The following LDB2 variants were observed in gnomAD, a reference collection of about 807,000 sequenced individuals.
The protein encoded by LDB2 is LIM domain binding 2, also known as LIM domain-binding protein 2.
LDB2 carries 12 observed loss-of-function variants against 44.3 expected under a neutral mutation model. The ratio of observed to expected loss-of-function variants is 0.27; its 90% CI spans 0.17 to 0.44. LDB2 has a LOEUF of 0.44. Among genes scored for constraint, LDB2 ranks in the 20% least tolerant of loss-of-function variants. LDB2 has a pLI of 1.00. For synonymous variants in LDB2, 164 were observed against 174.8 expected, an observed-to-expected ratio of 0.94 and a Z score of 0.49; for missense variants, 344 against 473.5, an observed-to-expected ratio of 0.73 and a Z score of 2.54.
At chr4:16,552,484 G>A (rs780146942) in intron 5 of LDB2, among the ~76,000 whole-genome samples, 6 of 151,890 alleles carry the variant, frequency 4.0e-5, no homozygotes, top group Non-Finnish European at 7.4e-5. Context: ...TGTTTGTAAC[G>A]TGGCATACCT....
intron 1 of LDB2, among the ~76,000 whole-genome samples, chr4:16,855,504 T>C (rs977003406): frequency 6.6e-6 from 1 of 152,160 alleles, no homozygotes; most frequent in African/African-American, 2.4e-5. Flanking sequence ...TGCAATACCA[T>C]TTTAGTTGAA....
chr4:16,883,525 T>A (rs1346824569), intron 1 of LDB2, among the ~76,000 whole-genome samples: 1 of 152,212 alleles, frequency 6.6e-6, no homozygotes, highest in Non-Finnish European at 1.5e-5. Flanking sequence ...CCCGCCCACT[T>A]AGGGCTTGGG....
At position 16,877,517 on chromosome 4, in the gene LDB2, G is replaced by A. The variant is rs112544747; in HGVS notation, c.132+20837C>T. Among the ~76,000 whole-genome samples, 32 of 152,286 alleles carry A rather than the reference G, an allele frequency of 2.1e-4. 3 individuals carry two copies. The highest frequency in any genetic ancestry group is 7.5e-4 in the African/African-American group (31 of 41,562). On this transcript the variant is annotated intron_variant, in intron 1 of 7. Coordinates refer to ENST00000304523, the MANE Select transcript of LDB2 (RefSeq NM_001290.5). ...TGTTAAACTGATGTGTGTTTATGATGAGCACCCAATACTTTTGAAGGTATT... is the reference window on the plus strand; with the variant it reads ...TGTTAAACTGATGTGTGTTTATGATAAGCACCCAATACTTTTGAAGGTATT...
chr4:16,525,730 A>T (rs1727975892), intron 5 of LDB2, among the ~76,000 whole-genome samples: 1 of 152,230 alleles, frequency 6.6e-6, no homozygotes, highest in Non-Finnish European at 1.5e-5. Context: ...TTAAATAAAC[A>T]AAAGATATAT....
chr4:16,519,935 A>C (rs1725357953), intron 5 of LDB2, among the ~76,000 whole-genome samples: 2 of 152,040 alleles, frequency 1.3e-5, no homozygotes, highest in Non-Finnish European at 2.9e-5. Flanking sequence ...GGGACTGAGA[A>C]GCTTCTTTGG....
intron 2 of LDB2, chr4:16,653,660 G>A (rs566125312): frequency 3.3e-5 from 5 of 152,238 alleles, no homozygotes; most frequent in Admixed American, 3.3e-4. Flanking sequence ...TCGTAGACAA[G>A]TGCAAATTCA....
intron 2 of LDB2, among the ~76,000 whole-genome samples, chr4:16,717,187 A>AATAATAATG (rs56204510): frequency 1.4e-5 from 2 of 146,886 alleles, no homozygotes; most frequent in East Asian, 2.0e-4. Context: ...TAATAATAAT[A>AATAATAATG]ATGATGATGA....
intron 5 of LDB2, among the ~76,000 whole-genome samples, chr4:16,565,613 A>G (rs1425523685): frequency 6.6e-6 from 1 of 152,048 alleles, no homozygotes; most frequent in Non-Finnish European, 1.5e-5. Flanking sequence ...CTATTATTCA[A>G]CATTTTTTCT....
intron 2 of LDB2, among the ~76,000 whole-genome samples, chr4:16,743,004 T>A (rs1349786178): frequency 6.6e-6 from 1 of 152,080 alleles, no homozygotes; most frequent in East Asian, 1.9e-4. Context: ...AAGATGCTTG[T>A]CAGGGCCAGG....
At chr4:16,520,307 AAC>A (rs1491522055) in intron 5 of LDB2, among the ~76,000 whole-genome samples, 1 of 151,518 alleles carries the variant, frequency 6.6e-6, no homozygotes, top group Non-Finnish European at 1.5e-5. Context: ...AGAAAAAAAA[AAC>A]AAAAAAGCAA....
At chr4:16,888,865 A>C (rs2302193) in intron 1 of LDB2, 54,495 of 237,132 alleles carry the variant, frequency 0.23, 7,136 homozygotes, top group Non-Finnish European at 0.27. Flanking sequence ...CCTTAATATT[A>C]CACAGCAAGT....
chr4:16,607,737 G>C (rs1212252289), intron 2 of LDB2, among the ~76,000 whole-genome samples: 1 of 152,152 alleles, frequency 6.6e-6, no homozygotes, highest in African/African-American at 2.4e-5. Context: ...AGTGACTGTA[G>C]TTCCCTGAAG....
intron 2 of LDB2, among the ~76,000 whole-genome samples, chr4:16,645,747 CACATGAGCTTTGGGTCAGAGTTT>C (rs1736624924): frequency 6.6e-6 from 1 of 151,744 alleles, no homozygotes; most frequent in Non-Finnish European, 1.5e-5. Context: ...TGTAGCTGAT[CACATGAGCTTTGGGTCAGAGTTT>C]AAATTTCAGA....
chr4:16,879,022 T>C (rs1026091036), intron 1 of LDB2, among the ~76,000 whole-genome samples: 3 of 152,244 alleles, frequency 2.0e-5, no homozygotes, highest in Admixed American at 6.5e-5. Flanking sequence ...GTATGAGTTT[T>C]TAATTGCTGT....
At chr4:16,571,608 T>G (rs1378668305) in intron 5 of LDB2, among the ~76,000 whole-genome samples, 2 of 152,218 alleles carry the variant, frequency 1.3e-5, no homozygotes, top group Non-Finnish European at 2.9e-5. Context: ...ACCTTCTGCA[T>G]GAAGTTAGAT....
At chr4:16,812,589 T>G (rs1780090393) in intron 1 of LDB2, among the ~76,000 whole-genome samples, 1 of 17,266 alleles carries the variant, frequency 5.8e-5, no homozygotes, top group Non-Finnish European at 2.6e-4. Context: ...AAATTATATA[T>G]ATATATATAT....
chr4:16,506,672 C>A (rs1207841845), intron 7 of LDB2: 1 of 152,204 alleles, frequency 6.6e-6, no homozygotes, highest in African/African-American at 2.4e-5. Flanking sequence ...ATACCATACT[C>A]TGAGGGCTGG....
intron 2 of LDB2, among the ~76,000 whole-genome samples, chr4:16,729,810 G>A (rs1468116660): frequency 6.6e-6 from 1 of 152,082 alleles, no homozygotes; most frequent in Non-Finnish European, 1.5e-5. Flanking sequence ...CAAAACTCTG[G>A]CACTGAGCAC....
At chr4:16,814,122 G>A (rs982784107) in intron 1 of LDB2, among the ~76,000 whole-genome samples, 6 of 152,034 alleles carry the variant, frequency 3.9e-5, no homozygotes, top group Non-Finnish European at 7.4e-5. Flanking sequence ...CGCCCGCCTC[G>A]GCCTTCCAAA....
Sources: allele counts gnomAD v4.1 joint callset (sites outside exome capture counted in the v4.1 genomes callset), GRCh38; gene constraint gnomAD v4.1.1; transcripts MANE v1.5; gene names NCBI Gene and HGNC (gene_info 2026-07-23, HGNC 2026-07-21).